CTSB: variants seen among roughly 807,000 people sequenced by gnomAD.
The protein encoded by CTSB is cathepsin B.
CTSB carries 57 observed loss-of-function variants against 44.3 expected under a neutral mutation model. That is an observed-to-expected ratio of 1.29 (90% CI 1.04 to 1.60). CTSB has a LOEUF of 1.60. CTSB is among the 40% of genes most tolerant of loss of function. The probability of loss-of-function intolerance (pLI) is 0.00; values close to 1 mark genes in which losing one functional copy is unlikely to be tolerated. For synonymous variants in CTSB, 320 were observed against 168.0 expected (o/e 1.91, Z -7.00); for missense variants, 768 against 443.0 (o/e 1.73, Z -6.59).
At chr8:11,859,208 C>G (rs1007571373) in intron 1 of CTSB, among the ~76,000 whole-genome samples, 3 of 152,162 alleles carry the variant, frequency 2.0e-5, no homozygotes, top group Non-Finnish European at 4.4e-5. Context: ...AAAGCACGCT[C>G]CACCCCGGCT....
Position 11,853,459 on chromosome 8 carries a change from G to C in CTSB, c.-5C>G, listed in dbSNP as rs572836837. 21 of 1,610,976 alleles carry C rather than the reference G, an allele frequency of 1.3e-5. No individual in the cohort carries two copies. The East Asian group carries it at 4.0e-4, about 31-fold the overall frequency. ...GGAGGCCCAGAGCTGCCACATGTTGGAAGCCGGATCCTAGATCCACCTGGA... is the reference window on the plus strand; with the variant it reads ...GGAGGCCCAGAGCTGCCACATGTTGCAAGCCGGATCCTAGATCCACCTGGA... On this transcript the variant is annotated 5_prime_UTR_variant, in exon 2 of 10. Coordinates refer to ENST00000353047, the MANE Select transcript of CTSB (RefSeq NM_001908.5).
chr8:11,849,039 G>T lies in CTSB; in HGVS notation c.446+7C>A. 1.2e-6 allele frequency: 2 copies of T among 1,606,748 alleles called. No individual in the cohort carries two copies. The highest frequency in any genetic ancestry group is 2.2e-5 in the South Asian group (2 of 90,750). On this transcript the variant is annotated splice_region_variant and intron_variant, in intron 5 of 9. Coordinates refer to ENST00000353047, the MANE Select transcript of CTSB (RefSeq NM_001908.5). ...TAAACCCGCTGTGGAAGCACAGCCT[G>T]ACTCACCCGTCCCCACACATGCTGC... is the stretch of plus-strand genomic sequence containing the variant.
At chr8:11,846,955 T>A in intron 8 of CTSB, 97 bp downstream of exon 8, 7 of 718,210 alleles carry the variant, frequency 9.7e-6, no homozygotes, top group Middle Eastern at 2.7e-4. Flanking sequence ...CTCACCTGCC[T>A]GCCCAATCCA....
At chr8:11,856,374 G>A (rs759296447) in intron 1 of CTSB, among the ~76,000 whole-genome samples, 136 of 152,212 alleles carry the variant, frequency 8.9e-4, no homozygotes, top group Non-Finnish European at 1.6e-3. Flanking sequence ...GCGCATGCCT[G>A]TAGCCGAGGC....
rs1008030611 is a variant in CTSB, at chr8:11,845,010, C to G, written c.*115G>C. The G allele has an allele frequency of 7.0e-6, 5 of 716,410 alleles. No individual in the cohort carries two copies. Among genetic ancestry groups the G allele is most frequent in the Admixed American group, 2.2e-5 (1 of 45,112 alleles). 44.4% of individuals were successfully genotyped at this position (716,410 alleles called of 1,614,324 possible). A position where few individuals can be genotyped will look rare whatever the true frequency, so the allele number is the denominator to read the frequency against. ...CTTGGAAGACAGGTCTGATGTTTGG[C>G]CAATCCAGTCCTTCAGACCCTGTCT... On this transcript the variant is annotated 3_prime_UTR_variant, in exon 10 of 10. Coordinates refer to ENST00000353047, the MANE Select transcript of CTSB (RefSeq NM_001908.5).
intron 3 of CTSB, 125 bp from the exon 4 acceptor site, chr8:11,851,105 A>C (rs1243141063): frequency 6.1e-6 from 3 of 491,814 alleles, no homozygotes; most frequent in East Asian, 3.7e-5. Context: ...ATGCCGAAGA[A>C]GGCTGCAGAC....
At chr8:11,853,275 G>T (rs750618716) in intron 2 of CTSB, 54 bp downstream of exon 2, 136 of 1,601,308 alleles carry the variant, frequency 8.5e-5, no homozygotes, top group Non-Finnish European at 1.2e-4. Flanking sequence ...TGGAGTCAGT[G>T]TGCACAGACC....
intron 8 of CTSB, among the ~76,000 whole-genome samples, chr8:11,846,661 C>CA (rs1436115642): frequency 6.6e-6 from 1 of 152,194 alleles, no homozygotes; most frequent in African/African-American, 2.4e-5. Flanking sequence ...CCAGTGCAAA[C>CA]ACGAACGGCC....
chr8:11,849,161 AG>A lies in CTSB; in HGVS notation c.330del (p.Phe111SerfsTer67). ...RDQGSCGSCW[A>X]FGAVEAISDR... is the part of the protein sequence containing the mutation. ...TCAGAGATGGCTTCCACAGCCCCGA[AG>A]GCCTGCAGGAACGAGCCCCACCGGG... On this transcript the variant is annotated frameshift_variant and splice_region_variant, in exon 5 of 10. Coordinates refer to ENST00000353047, the MANE Select transcript of CTSB (RefSeq NM_001908.5). LOFTEE classifies it high-confidence loss of function. 2.5e-6 allele frequency: 4 copies of A among 1,611,680 alleles called. No homozygotes were observed. Among genetic ancestry groups the A allele is most frequent in the Non-Finnish European group, 3.4e-6 (4 of 1,179,362 alleles).
intron 1 of CTSB, chr8:11,854,814 C>A (rs931013902): frequency 1.3e-5 from 2 of 152,258 alleles, no homozygotes; most frequent in Admixed American, 1.3e-4. Flanking sequence ...GCCCAGCCCT[C>A]TGGGGCAGCA....
Position 11,844,794 on chromosome 8 carries a change from T to C in CTSB, c.*331A>G. On this transcript the variant is annotated 3_prime_UTR_variant, in exon 10 of 10. Transcript: ENST00000353047. ...TTTCATCCTGTTAGGAACTCCGCTT[T>C]CCATTCCTGCGTCTCTGTCTTGCTC... 3.9e-6 allele frequency: 1 copy of C among 256,342 alleles called. No homozygotes were observed. The highest frequency in any genetic ancestry group is 1.1e-4 in the South Asian group (1 of 9,454). The allele number at this position is 256,342 out of a possible 1,614,324, so 15.9% of individuals were successfully genotyped here.
chr8:11,850,749 C>G (rs1814435780), intron 4 of CTSB, 117 bp downstream of exon 4: 2 of 630,034 alleles, frequency 3.2e-6, no homozygotes, highest in African/African-American at 3.7e-5. Context: ...AACTGGGACT[C>G]AGAAAGTTTC....
intron 1 of CTSB, chr8:11,865,523 A>AG (rs144725358): frequency 1 from 151,706 of 151,708 alleles, 75,852 homozygotes; most frequent in Middle Eastern, 1. Flanking sequence ...CAGGAAGCGG[A>AG]GTTGCAGTGA....
rs1363953578 is a variant in CTSB at position 11,848,131 on chromosome 8, A to C, written c.468T>G (p.Ala156=). 1.2e-6 allele frequency: 2 copies of C among 1,614,200 alleles called. No individual in the cohort carries two copies. The highest frequency in any genetic ancestry group is 4.5e-5 in the East Asian group (2 of 44,888). The change falls in exon 6 of 10, where the codon GCT becomes GCG. Residue 156 remains alanine (A), a synonymous_variant. Coordinates refer to ENST00000353047, the MANE Select transcript of CTSB (RefSeq NM_001908.5). ...TTCTTGTCCAGAAGTTCCAAGCTTCAGCAGGATAGCCACCATTACAGCTGA... is the reference window on the plus strand; with the variant it reads ...TTCTTGTCCAGAAGTTCCAAGCTTCCGCAGGATAGCCACCATTACAGCTGA... ...CGDGCNGGYP[A]EAWNFWTRKG...
chr8:11,864,550 A>C (rs1161157933), intron 1 of CTSB: 1 of 152,150 alleles, frequency 6.6e-6, no homozygotes, highest in Admixed American at 6.5e-5. Flanking sequence ...AATCCAAAAG[A>C]GGGGCAGCAG....
intron 1 of CTSB, among the ~76,000 whole-genome samples, chr8:11,855,214 G>A (rs1383926188): frequency 6.6e-6 from 1 of 152,008 alleles, no homozygotes; most frequent in Non-Finnish European, 1.5e-5. Flanking sequence ...TAAAGACAGG[G>A]TTTCACCATT....
At chr8:11,866,027 AAAAAAG>A (rs1817094673) in intron 1 of CTSB, among the ~76,000 whole-genome samples, 1 of 151,552 alleles carries the variant, frequency 6.6e-6, no homozygotes, top group African/African-American at 2.4e-5. Flanking sequence ...AAAAAAAAAA[AAAAAAG>A]AAAGAAAAAG....
Position 11,848,989 on chromosome 8 carries a change from G to A in CTSB, c.446+57C>T. 14 of 1,328,208 alleles carry A rather than the reference G, an allele frequency of 1.1e-5. No homozygotes were observed. The South Asian group carries it at 1.4e-4, about 14-fold the overall frequency. The allele number at this position is 1,328,208 out of a possible 1,614,324, so 82.3% of individuals were successfully genotyped here. ...TCCTCAAAGTCCCCTCCACTGAGAA[G>A]CTGGGGCCCAGGGTCTCTCAGCACT... On this transcript the variant is annotated intron_variant, in intron 5 of 9. Transcript: ENST00000353047.
At chr8:11,845,838 GCCCCACAGCACC>G (rs1563378916) in intron 8 of CTSB, 49 bp from the exon 9 acceptor site, 32 of 1,555,396 alleles carry the variant, frequency 2.1e-5, no homozygotes, top group Non-Finnish European at 2.8e-5. Flanking sequence ...ACTGTCCCAC[GCCCCACAGCACC>G]CCCCACACTC....
Sources: allele counts gnomAD v4.1 joint callset (sites outside exome capture counted in the v4.1 genomes callset), GRCh38; gene constraint gnomAD v4.1.1; transcripts MANE v1.5; gene names NCBI Gene and HGNC (gene_info 2026-07-23, HGNC 2026-07-21).